Variants in GJC1 observed in about 807,000 individuals in gnomAD.
The protein encoded by GJC1 is gap junction gamma-1 protein.
GJC1 carries 5 observed loss-of-function variants against 29.3 expected under a neutral mutation model. The observed-to-expected ratio is 0.17, with a 90% CI of 0.09 to 0.36. GJC1 has a LOEUF of 0.36. Ranked by LOEUF, GJC1 falls within the 10% of genes least tolerant of loss-of-function variation. The pLI, the probability that GJC1 is intolerant of heterozygous loss-of-function variation, is 1.00. For missense variants in GJC1, 310 were observed against 496.2 expected, an observed-to-expected ratio of 0.62 and a Z score of 3.56; for synonymous variants, 177 against 183.3, an observed-to-expected ratio of 0.97 and a Z score of 0.28.
intron 1 of GJC1, among the ~76,000 whole-genome samples, chr17:44,821,491 A>G (rs1400244386): frequency 6.6e-6 from 1 of 151,910 alleles, no homozygotes; most frequent in Non-Finnish European, 1.5e-5. Context: ...TGAGGTCAGG[A>G]GTTCGAGACC....
chr17:44,806,839 A>C (rs1305971501), intron 2 of GJC1, among the ~76,000 whole-genome samples: 2 of 152,150 alleles, frequency 1.3e-5, no homozygotes, highest in African/African-American at 2.4e-5. Context: ...GTTGGACTCC[A>C]CTGTGAAGGG....
rs977012009 is a variant in GJC1, at chr17:44,803,157, C to G, written c.*1470G>C. ...AAGATATAAAAAATATTCATACTTT[C>G]AGAATTTCCAAGTCAGAGGTGGCTT... On this transcript the variant is annotated 3_prime_UTR_variant, in exon 3 of 3. Coordinates refer to ENST00000592524, the MANE Select transcript of GJC1 (RefSeq NM_005497.4). 1 of 152,114 alleles carries G rather than the reference C, an allele frequency of 6.6e-6. No homozygotes were observed. The highest frequency in any genetic ancestry group is 2.4e-5 in the African/African-American group (1 of 41,430). The allele number at this position is 152,114 out of a possible 1,614,324, so 9.4% of individuals were successfully genotyped here.
intron 1 of GJC1, among the ~76,000 whole-genome samples, chr17:44,811,085 T>C (rs1402364267): frequency 1.3e-5 from 2 of 149,574 alleles, no homozygotes; most frequent in East Asian, 1.9e-4. Context: ...ATTTCTTTCT[T>C]TTTTTTTTTG....
At position 44,804,692 on chromosome 17, in the gene GJC1, C is replaced by T; in HGVS notation, c.1126G>A (p.Ala376Thr). 6.2e-7 allele frequency: 1 copy of T among 1,614,188 alleles called. No individual in the cohort carries two copies. The highest frequency in any genetic ancestry group is 2.2e-5 in the East Asian group (1 of 44,888). The change falls in exon 3 of 3, where the codon GCT becomes ACT. Residue 376 changes from alanine (A) to threonine (T), a missense_variant. Ala to Thr is a moderately conservative substitution (Grantham distance 58). Coordinates refer to ENST00000592524, the MANE Select transcript of GJC1 (RefSeq NM_005497.4). ...REKKAKVGSKAGSNKSTASSK... is the reference protein window; with the variant it reads ...REKKAKVGSKTGSNKSTASSK... ...CTGGCAGTGCTTTTGTTGGACCCAG[C>T]TTTGGACCCCACTTTGGCCTTCTTC... is the stretch of plus-strand genomic sequence containing the variant.
At chr17:44,810,393 TC>T (rs1225029638) in intron 1 of GJC1, among the ~76,000 whole-genome samples, 1 of 152,192 alleles carries the variant, frequency 6.6e-6, no homozygotes, top group Non-Finnish European at 1.5e-5. Context: ...TGGTGATAAA[TC>T]CTTCAGAGCT....
intron 1 of GJC1, among the ~76,000 whole-genome samples, chr17:44,824,367 C>T (rs2050145671): frequency 6.6e-6 from 1 of 152,070 alleles, no homozygotes; most frequent in Admixed American, 6.6e-5. Flanking sequence ...GGTGTGATCA[C>T]AACTCACTGT....
At chr17:44,823,721 T>C (rs980640703) in intron 1 of GJC1, among the ~76,000 whole-genome samples, 2 of 151,734 alleles carry the variant, frequency 1.3e-5, no homozygotes, top group Non-Finnish European at 2.9e-5. Context: ...CTTTCCTTTT[T>C]TTTTTTTTGA....
chr17:44,804,326 G>T lies in GJC1; in HGVS notation c.*301C>A. The T allele has an allele frequency of 3.3e-6, 1 of 299,856 alleles. No homozygotes were observed. The allele number at this position is 299,856 out of a possible 1,614,324, so 18.6% of individuals were successfully genotyped here. A position where few individuals can be genotyped will look rare whatever the true frequency, so the allele number is the denominator to read the frequency against. Reference sequence around the variant, plus strand: ...AAAAAAAAAAAAGTACCATAATACTGTACATACAAAAACTGTTCAACAAGA... The same window carrying T: ...AAAAAAAAAAAAGTACCATAATACTTTACATACAAAAACTGTTCAACAAGA... On this transcript the variant is annotated 3_prime_UTR_variant, in exon 3 of 3. Transcript: ENST00000592524.
At chr17:44,820,053 G>C (rs1036308723) in intron 1 of GJC1, among the ~76,000 whole-genome samples, 1 of 152,044 alleles carries the variant, frequency 6.6e-6, no homozygotes, top group African/African-American at 2.4e-5. Context: ...TTAATATCCA[G>C]AAGTGGAATT....
At chr17:44,808,066 T>C (rs1304150253) in intron 1 of GJC1, among the ~76,000 whole-genome samples, 1 of 152,196 alleles carries the variant, frequency 6.6e-6, no homozygotes, top group Non-Finnish European at 1.5e-5. Flanking sequence ...CCAAGATGAA[T>C]TATTGCTCAT....
chr17:44,826,622 G>C (rs2050180015), intron 1 of GJC1, among the ~76,000 whole-genome samples: 1 of 152,006 alleles, frequency 6.6e-6, no homozygotes, highest in South Asian at 2.1e-4. Context: ...CCACAGGTCT[G>C]AAAGATAAAC....
At chr17:44,806,946 A>G (rs919376835) in intron 2 of GJC1, among the ~76,000 whole-genome samples, 12 of 152,194 alleles carry the variant, frequency 7.9e-5, no homozygotes, top group African/African-American at 2.7e-4. Context: ...GAACTAAAAC[A>G]AAAGACAGAA....
rs1382432392 is a variant in GJC1, at chr17:44,816,625, C to T, written c.-96-9156G>A. Among the ~76,000 whole-genome samples, 3 of 152,088 alleles carry T rather than the reference C, an allele frequency of 2.0e-5. No individual in the cohort carries two copies. In the East Asian group the frequency reaches 5.8e-4, roughly 29 times the overall value. The stretch of plus-strand genomic sequence containing the variant: ...CAAGCAATTCTCCTGCCTCAGTCAG[C>T]TTCTCGAGTAGCTGGGATTACAGGC... On this transcript the variant is annotated intron_variant, in intron 1 of 2. Coordinates refer to ENST00000592524, the MANE Select transcript of GJC1 (RefSeq NM_005497.4).
downstream of GJC1, among the ~76,000 whole-genome samples, chr17:44,796,936 C>T (rs563948978): frequency 2.0e-5 from 3 of 152,064 alleles, no homozygotes; most frequent in Admixed American, 6.6e-5. Context: ...TAGCCTCCAC[C>T]TTGGCGGTCA....
At position 44,800,042 on chromosome 17, in the gene GJC1, T is replaced by C. The variant is rs2049823946; in HGVS notation, c.*4585A>G. 1 of 152,264 alleles carries C rather than the reference T, an allele frequency of 6.6e-6. No individual in the cohort carries two copies. Among genetic ancestry groups the C allele is most frequent in the African/African-American group, 2.4e-5 (1 of 41,472 alleles). The allele number at this position is 152,264 out of a possible 1,614,324, so 9.4% of individuals were successfully genotyped here. A position where few individuals can be genotyped will look rare whatever the true frequency, so the allele number is the denominator to read the frequency against. On this transcript the variant is annotated 3_prime_UTR_variant, in exon 3 of 3. Coordinates refer to ENST00000592524, the MANE Select transcript of GJC1 (RefSeq NM_005497.4). The stretch of plus-strand genomic sequence containing the variant: ...TGATTCCAACATTTGATGGTGACTG[T>C]GAATTATTACATATTTATTACACAT...
At chr17:44,795,863 C>T (rs4792956), downstream of GJC1, among the ~76,000 whole-genome samples, 50,422 of 152,142 alleles carry the variant, frequency 0.33, 9,109 homozygotes, top group East Asian at 0.5. Flanking sequence ...GAGGTTCTTG[C>T]CTTAATGTAC....
chr17:44,796,666 G>A (rs1428675368), downstream of GJC1, among the ~76,000 whole-genome samples: 2 of 152,064 alleles, frequency 1.3e-5, no homozygotes, highest in Non-Finnish European at 2.9e-5. Context: ...TTTCTAGTGT[G>A]GTTACTTAAC....
At chr17:44,824,842 T>A (rs1228577462) in intron 1 of GJC1, among the ~76,000 whole-genome samples, 2 of 95,418 alleles carry the variant, frequency 2.1e-5, no homozygotes, top group African/African-American at 4.1e-5. Context: ...TCAAGTGCAA[T>A]AGTGAGAAGG....
At chr17:44,810,474 C>A (rs976824439) in intron 1 of GJC1, among the ~76,000 whole-genome samples, 1 of 152,108 alleles carries the variant, frequency 6.6e-6, no homozygotes, top group African/African-American at 2.4e-5. Flanking sequence ...AAGCTGCAGA[C>A]GTGGAAAATG....
Sources: gnomAD v4.1 joint callset for allele counts (sites outside exome capture counted in the v4.1 genomes callset) on GRCh38, gnomAD v4.1.1 for gene constraint, MANE v1.5 for transcripts, NCBI Gene and HGNC (gene_info 2026-07-23, HGNC 2026-07-21) for gene names.